PARD3B: variants seen among roughly 807,000 people sequenced by gnomAD.
PARD3B encodes partitioning defective 3 homolog B.
A neutral mutation model predicts 130.2 loss-of-function variants in PARD3B; 103 were observed. The observed-to-expected ratio is 0.79, with a 90% confidence interval of 0.67 to 0.93. The LOEUF is 0.93. Among genes scored for constraint, PARD3B ranks in the 40% least tolerant of loss-of-function variants. The pLI is 0.00. For missense variants in PARD3B, 1,609 were observed against 1,499.2 expected, an observed-to-expected ratio of 1.07 and a Z score of -1.21; for synonymous variants, 583 against 553.2, an observed-to-expected ratio of 1.05 and a Z score of -0.76.
chr2:205,133,819 G>A (rs748922093), intron 10 of PARD3B, among the ~76,000 whole-genome samples: 16 of 152,126 alleles, frequency 1.1e-4, no homozygotes, highest in Non-Finnish European at 2.2e-4. Context: ...GGTCCAACTC[G>A]ATTGTGCTTT....
rs538867960 is a variant in PARD3B, at chr2:205,585,142, C to T, written c.3261-30314C>T. 1.3e-5 allele frequency among the ~76,000 whole-genome samples: 2 copies of T among 152,218 alleles called. No homozygotes were observed. The highest frequency in any genetic ancestry group is 3.9e-4 in the East Asian group (2 of 5,192). On this transcript the variant is annotated intron_variant, in intron 22 of 22. Coordinates refer to ENST00000406610, the MANE Select transcript of PARD3B (RefSeq NM_001302769.2). This position sits in a 1 kb window ranked among gnomAD's most constrained non-coding sequence, Gnocchi z 5.4. Reference sequence around the variant, plus strand: ...CCCACAGCCTTGGAATGATTGCTCACTCCTTTCTGGCTTAGTCTTTTTTGT... The same window carrying T: ...CCCACAGCCTTGGAATGATTGCTCATTCCTTTCTGGCTTAGTCTTTTTTGT...
Position 204,734,290 on chromosome 2 carries a change from G to A in PARD3B, c.222+48008G>A, listed in dbSNP as rs1326945108. On this transcript the variant is annotated intron_variant, in intron 2 of 22. Coordinates refer to ENST00000406610, the MANE Select transcript of PARD3B (RefSeq NM_001302769.2). ...GTATTGGCTGGCAAAGGGCAAAGCA[G>A]CTTGAACTCTCATACATTGCTGGGC... is the stretch of plus-strand genomic sequence containing the variant. Among the ~76,000 whole-genome samples the A allele has an allele frequency of 3.3e-5, 5 of 152,140 alleles. No homozygotes were observed. In the South Asian group the frequency reaches 1.0e-3, roughly 32 times the overall value.
chr2:204,785,796 A>G (rs1205702696), intron 2 of PARD3B, among the ~76,000 whole-genome samples: 1 of 152,170 alleles, frequency 6.6e-6, no homozygotes. Flanking sequence ...ACTGATAGCC[A>G]GGGTCTTCAC....
chr2:204,913,048 T>C (rs2047303125), intron 2 of PARD3B, among the ~76,000 whole-genome samples: 1 of 152,226 alleles, frequency 6.6e-6, no homozygotes, highest in Admixed American at 6.5e-5. Context: ...AATTTTCAAA[T>C]GTTTAACTTT....
At chr2:204,554,203 A>G (rs1559152899) in intron 1 of PARD3B, among the ~76,000 whole-genome samples, 1 of 151,940 alleles carries the variant, frequency 6.6e-6, no homozygotes, top group Non-Finnish European at 1.5e-5. Flanking sequence ...TCAATTCTTA[A>G]GTCTCCACCT....
In PARD3B at chr2:205,351,199, T is replaced by G. The variant is rs2043983028; in HGVS notation, c.2630+49498T>G. 6.6e-6 allele frequency among the ~76,000 whole-genome samples: 1 copy of G among 152,196 alleles called. No homozygotes were observed. Among genetic ancestry groups the G allele is most frequent in the Admixed American group, 6.5e-5 (1 of 15,278 alleles). On this transcript the variant is annotated intron_variant, in intron 18 of 22. Coordinates refer to ENST00000406610, the MANE Select transcript of PARD3B (RefSeq NM_001302769.2). The surrounding 1 kb of genome is among the most constrained non-coding windows in gnomAD (Gnocchi z 4.2). Reference sequence around the variant, plus strand: ...GAACAATGGTCATTAAATGTTATTCTCTCTGTCACCTTGCTGTCTCCCCAC... The same window carrying G: ...GAACAATGGTCATTAAATGTTATTCGCTCTGTCACCTTGCTGTCTCCCCAC...
chr2:205,611,612 T>A (rs575086347), intron 22 of PARD3B, among the ~76,000 whole-genome samples: 34 of 152,294 alleles, frequency 2.2e-4, no homozygotes, highest in African/African-American at 8.2e-4. Context: ...TTCCTATCAG[T>A]TTTCCAAGCA....
Position 205,615,722 on chromosome 2 carries a change from G to A in PARD3B, c.3527G>A (p.Gly1176Asp), listed in dbSNP as rs368069102. Residue 1176 changes from glycine (G) to aspartate (D), a missense_variant, in exon 23 of 23, where the codon GGC (glycine) becomes GAC (aspartate). By Grantham distance (94) the Gly-to-Asp change is moderately conservative. Coordinates refer to ENST00000406610, the MANE Select transcript of PARD3B (RefSeq NM_001302769.2). ...AGAATGCCAGCCTATCAGGAAACAGGCAGACCAGGGCCCCGTGGGGGCAGC... is the reference window on the plus strand; with the variant it reads ...AGAATGCCAGCCTATCAGGAAACAGACAGACCAGGGCCCCGTGGGGGCAGC... The part of the protein sequence containing the change: ...HQRMPAYQET[G>D]RPGPRGGSPD... 4 of 1,613,960 alleles carry A rather than the reference G, an allele frequency of 2.5e-6. No homozygotes were observed. Among genetic ancestry groups the A allele is most frequent in the East Asian group, 2.2e-5 (1 of 44,870 alleles).
At chr2:204,685,406 T>A (rs894625959) in intron 1 of PARD3B, among the ~76,000 whole-genome samples, 2 of 152,216 alleles carry the variant, frequency 1.3e-5, no homozygotes, top group African/African-American at 4.8e-5. Flanking sequence ...TGGTTCACTT[T>A]CATAGCTATC....
chr2:204,874,645 T>G (rs2125654879), intron 2 of PARD3B, among the ~76,000 whole-genome samples: 1 of 152,144 alleles, frequency 6.6e-6, no homozygotes, highest in East Asian at 1.9e-4. Flanking sequence ...GCTTGATGGG[T>G]TTTAACAAAT....
intron 20 of PARD3B, among the ~76,000 whole-genome samples, chr2:205,480,305 T>G (rs2049184797): frequency 6.6e-6 from 1 of 152,206 alleles, no homozygotes; most frequent in Non-Finnish European, 1.5e-5. Context: ...GAGATTCTTC[T>G]GGATGATTCC....
At position 205,309,085 on chromosome 2, in the gene PARD3B, T is replaced by C. The variant is rs1427954404; in HGVS notation, c.2630+7384T>C. On this transcript the variant is annotated intron_variant, in intron 18 of 22. Transcript: ENST00000406610. This position sits in a 1 kb window ranked among gnomAD's most constrained non-coding sequence, Gnocchi z 4.7. ...CTGCTTTTGTTTTCTTTTTTGCAAC[T>C]TATAAATATGGGAAGGTTATTTTTA... is the stretch of plus-strand genomic sequence containing the variant. Among the ~76,000 whole-genome samples the C allele has an allele frequency of 1.0e-5, 1 of 96,068 alleles. No homozygotes were observed. Among genetic ancestry groups the C allele is most frequent in the Non-Finnish European group, 2.8e-5 (1 of 35,338 alleles). 63.0% of individuals were successfully genotyped at this position (96,068 alleles called of 152,430 possible).
At chr2:205,369,632 C>T (rs1299371748) in intron 18 of PARD3B, among the ~76,000 whole-genome samples, 1 of 152,186 alleles carries the variant, frequency 6.6e-6, no homozygotes, top group Non-Finnish European at 1.5e-5. Context: ...TTTTTCAAGA[C>T]CCAGGTCAAG....
At chr2:204,679,693 TG>T (rs1297419264) in intron 1 of PARD3B, among the ~76,000 whole-genome samples, 1 of 152,080 alleles carries the variant, frequency 6.6e-6, no homozygotes, top group African/African-American at 2.4e-5. Flanking sequence ...AATCTTTAAC[TG>T]GTTTTCTTTG....
At chr2:205,070,687 C>G (rs1390262111) in intron 4 of PARD3B, among the ~76,000 whole-genome samples, 7 of 152,002 alleles carry the variant, frequency 4.6e-5, no homozygotes, top group African/African-American at 1.7e-4. Flanking sequence ...CCATTAGTAA[C>G]CTAAATTTGA....
intron 19 of PARD3B, among the ~76,000 whole-genome samples, chr2:205,404,958 A>G (rs959858983): frequency 1.3e-5 from 2 of 152,206 alleles, no homozygotes; most frequent in South Asian, 2.1e-4. Context: ...TCTAACCTCA[A>G]TTCTAAATTT....
In PARD3B at chr2:205,309,356, T is replaced by C. The variant is rs1457559345; in HGVS notation, c.2630+7655T>C. Among the ~76,000 whole-genome samples, 1 of 152,192 alleles carries C rather than the reference T, an allele frequency of 6.6e-6. No homozygotes were observed. Among genetic ancestry groups the C allele is most frequent in the African/African-American group, 2.4e-5 (1 of 41,438 alleles). ...TCAAAGATAGACTAGTTCGGTTACATAGTGGAGCATCAGACAAAGCTAAAT... is the reference window on the plus strand; with the variant it reads ...TCAAAGATAGACTAGTTCGGTTACACAGTGGAGCATCAGACAAAGCTAAAT... On this transcript the variant is annotated intron_variant, in intron 18 of 22. Transcript: ENST00000406610. This position sits in a 1 kb window ranked among gnomAD's most constrained non-coding sequence, Gnocchi z 4.7.
chr2:204,846,371 T>C (rs2044462097), intron 2 of PARD3B, among the ~76,000 whole-genome samples: 1 of 152,034 alleles, frequency 6.6e-6, no homozygotes, highest in African/African-American at 2.4e-5. Context: ...AATGTGTAAC[T>C]TTTGATCAGG....
intron 2 of PARD3B, among the ~76,000 whole-genome samples, chr2:204,776,566 G>A (rs1010070898): frequency 6.6e-6 from 1 of 151,948 alleles, no homozygotes; most frequent in East Asian, 1.9e-4. Flanking sequence ...AGAATTGTGT[G>A]GATATTTATG....
Sources: gnomAD v4.1 joint callset for allele counts (sites outside exome capture counted in the v4.1 genomes callset) on GRCh38, gnomAD v4.1.1 for gene constraint, Gnocchi (gnomAD v3.1) non-coding constraint, MANE v1.5 for transcripts, NCBI Gene and HGNC (gene_info 2026-07-23, HGNC 2026-07-21) for gene names.